CDKL1: variants seen among roughly 807,000 people sequenced by gnomAD.
CDKL1 encodes cyclin dependent kinase like 1.
CDKL1 carries 41 observed loss-of-function variants against 42.0 expected under a neutral mutation model. That is an observed-to-expected ratio of 0.98 (90% CI 0.76 to 1.27). The LOEUF (loss-of-function observed/expected upper bound fraction) is 1.27, where lower values mean the gene tolerates loss of function less well. CDKL1 is among the 50% of genes most tolerant of loss of function. The pLI is 0.00. For missense variants in CDKL1, 394 were observed against 428.4 expected (o/e 0.92, Z 0.71); for synonymous variants, 153 against 158.6 (o/e 0.96, Z 0.26).
chr14:50,333,546 A>G (rs2033086944), intron 8 of CDKL1: 1 of 152,150 alleles, frequency 6.6e-6, no homozygotes, highest in African/African-American at 2.4e-5. Flanking sequence ...CTTGTTTAGC[A>G]TATAATCAAG....
intron 2 of CDKL1, among the ~76,000 whole-genome samples, chr14:50,375,892 A>G (rs774583888): frequency 1.3e-5 from 2 of 152,152 alleles, no homozygotes; most frequent in Non-Finnish European, 2.9e-5. Context: ...TAATCATGAG[A>G]AAAAACAGAC....
At chr14:50,362,711 CTT>C (rs2034304910) in intron 2 of CDKL1, among the ~76,000 whole-genome samples, 1 of 152,140 alleles carries the variant, frequency 6.6e-6, no homozygotes, top group Non-Finnish European at 1.5e-5. Flanking sequence ...ACGTGGAGAA[CTT>C]TTGTGTCTAG....
intron 4 of CDKL1, 164 bp from the exon 5 acceptor site, chr14:50,342,386 T>C: frequency 7.2e-7 from 1 of 1,390,428 alleles, no homozygotes; most frequent in Middle Eastern, 2.7e-4. Context: ...GTACCATGCC[T>C]GTCAGAGCCT....
intron 2 of CDKL1, among the ~76,000 whole-genome samples, chr14:50,359,441 G>C (rs2034169602): frequency 6.6e-6 from 1 of 152,036 alleles, no homozygotes; most frequent in Non-Finnish European, 1.5e-5. Context: ...CAGCTTTCAA[G>C]ATTCAGATCA....
At position 50,339,016 on chromosome 14, in the gene CDKL1, A is replaced by G; in HGVS notation, c.669T>C (p.Pro223=). ...LIRKTLGDLI[P]RHQQVFSTNQ... is the part of the protein sequence containing the mutation. Reference sequence around the variant, plus strand: ...TCGTGCTAAACACTTGCTGGTGCCTAGGAATGAGATCCCCTTTGGACAAGA... The same window carrying G: ...TCGTGCTAAACACTTGCTGGTGCCTGGGAATGAGATCCCCTTTGGACAAGA... The change falls in exon 7 of 10, where the codon CCT becomes CCC. Residue 223 remains proline (P), a synonymous_variant. Transcript: ENST00000395834. 1 of 1,609,746 alleles carries G rather than the reference A, an allele frequency of 6.2e-7. No individual in the cohort carries two copies.
At chr14:50,332,514 A>T in intron 8 of CDKL1, 82 bp from the exon 9 acceptor site, 2 of 1,523,684 alleles carry the variant, frequency 1.3e-6, no homozygotes, top group Non-Finnish European at 8.8e-7. Flanking sequence ...TCTTTGAAAG[A>T]TGAAACTTCA....
chr14:50,329,051 A>G lies in CDKL1; in HGVS notation c.*1023T>C, dbSNP rs1326929043. 7 of 149,214 alleles carry G rather than the reference A, an allele frequency of 4.7e-5. No homozygotes were observed. The highest frequency in any genetic ancestry group is 1.0e-4 in the Non-Finnish European group (7 of 67,456). The allele number at this position is 149,214 out of a possible 1,614,324, so 9.2% of individuals were successfully genotyped here. ...GTTAGAATAGCATATATATATATATATATATATATATACATACACATACAT... is the reference window on the plus strand; with the variant it reads ...GTTAGAATAGCATATATATATATATGTATATATATATACATACACATACAT... On this transcript the variant is annotated 3_prime_UTR_variant, in exon 10 of 10. Coordinates refer to ENST00000395834, the MANE Select transcript of CDKL1 (RefSeq NM_004196.7).
chr14:50,386,658 G>A (rs1453234969), intron 2 of CDKL1, among the ~76,000 whole-genome samples: 3 of 151,924 alleles, frequency 2.0e-5, no homozygotes, highest in Non-Finnish European at 4.4e-5. Flanking sequence ...CATGTTGGGG[G>A]TCATGCCTGT....
intron 2 of CDKL1, among the ~76,000 whole-genome samples, chr14:50,390,623 T>C (rs1393028848): frequency 2.0e-5 from 3 of 152,094 alleles, no homozygotes; most frequent in Admixed American, 1.3e-4. Flanking sequence ...GTATTTGTTT[T>C]GTATTTGTTT....
rs149750029 is a variant in CDKL1, at chr14:50,373,213, T to C, written c.169-14064A>G. 3.0e-3 allele frequency among the ~76,000 whole-genome samples: 464 copies of C among 152,306 alleles called. 1 individual carries two copies. The Middle Eastern group carries it at 0.048, about 16-fold the overall frequency. ...AGACAAATAATTGCCTGGGAAATAT[T>C]TGTTAAAGTTGCAACAAAGGGTTAT... On this transcript the variant is annotated intron_variant, in intron 2 of 9. Transcript: ENST00000395834.
rs11570804 is a variant in CDKL1 at position 50,363,613 on chromosome 14, C to T, written c.169-4464G>A. Reference sequence around the variant, plus strand: ...TGACATTGAGGCCAAGACTTTGAATCTTAGAATTCTCTTTCCATTTTCCAC... The same window carrying T: ...TGACATTGAGGCCAAGACTTTGAATTTTAGAATTCTCTTTCCATTTTCCAC... On this transcript the variant is annotated intron_variant, in intron 2 of 9. Coordinates refer to ENST00000395834, the MANE Select transcript of CDKL1 (RefSeq NM_004196.7). 4.3e-3 allele frequency among the ~76,000 whole-genome samples: 657 copies of T among 152,334 alleles called. 5 individuals carry two copies. The highest frequency in any genetic ancestry group is 0.015 in the African/African-American group (621 of 41,566).
At chr14:50,334,011 A>G (rs1042832440) in intron 8 of CDKL1, 1 of 151,994 alleles carries the variant, frequency 6.6e-6, no homozygotes, top group Admixed American at 6.6e-5. Flanking sequence ...TTTGTAAAAC[A>G]ATCACCACCC....
intron 2 of CDKL1, chr14:50,390,570 ATCTG>A (rs1203098955): frequency 7.5e-6 from 2 of 265,686 alleles, no homozygotes; most frequent in Non-Finnish European, 1.5e-5. Context: ...TTTGTTTTGT[ATCTG>A]TTTGTTTTGG....
chr14:50,352,321 C>T (rs906364392), intron 3 of CDKL1, among the ~76,000 whole-genome samples: 5 of 150,170 alleles, frequency 3.3e-5, no homozygotes, highest in Non-Finnish European at 7.4e-5. Flanking sequence ...TAAGGTAGCA[C>T]AATTATAAGA....
chr14:50,332,902 ACTTTT>A, intron 8 of CDKL1: 1 of 346,184 alleles, frequency 2.9e-6, no homozygotes, highest in South Asian at 8.8e-5. Context: ...AAAATCAGCT[ACTTTT>A]TTTTTTTTTT....
chr14:50,342,129 C>A lies in CDKL1; in HGVS notation c.454+3G>T, dbSNP rs2033566001. ...CTTAACAAAAGAAAATGTCAATACT[C>A]ACTCAAAAGCCGAGCAAATCCAAAG... On this transcript the variant is annotated splice_donor_region_variant and intron_variant, in intron 5 of 9. Coordinates refer to ENST00000395834, the MANE Select transcript of CDKL1 (RefSeq NM_004196.7). The A allele has an allele frequency of 6.2e-7, 1 of 1,612,260 alleles. No homozygotes were observed. Among genetic ancestry groups the A allele is most frequent in the African/African-American group, 1.3e-5 (1 of 74,884 alleles).
rs989683061 is a variant in CDKL1, at chr14:50,388,875, G to A, written c.168+6826C>T. 2.6e-5 allele frequency among the ~76,000 whole-genome samples: 4 copies of A among 151,764 alleles called. No individual in the cohort carries two copies. In the South Asian group the frequency reaches 6.3e-4, roughly 24 times the overall value. On this transcript the variant is annotated intron_variant, in intron 2 of 9. Coordinates refer to ENST00000395834, the MANE Select transcript of CDKL1 (RefSeq NM_004196.7). ...TGTACTTAGGGAGGCCGAGGGAGGCGGATCATGAGATCAGGAGTTTGAGAC... is the reference window on the plus strand; with the variant it reads ...TGTACTTAGGGAGGCCGAGGGAGGCAGATCATGAGATCAGGAGTTTGAGAC...
At chr14:50,348,745 A>G (rs778237621) in intron 3 of CDKL1, among the ~76,000 whole-genome samples, 1 of 152,208 alleles carries the variant, frequency 6.6e-6, no homozygotes, top group Non-Finnish European at 1.5e-5. Context: ...ATGATGCCCA[A>G]GAAAAGCCTC....
At chr14:50,382,534 A>C (rs894900038) in intron 2 of CDKL1, among the ~76,000 whole-genome samples, 2 of 150,394 alleles carry the variant, frequency 1.3e-5, no homozygotes, top group African/African-American at 4.9e-5. Flanking sequence ...CATTCTGTAT[A>C]AAAATTACTC....
Sources: allele counts gnomAD v4.1 joint callset (sites outside exome capture counted in the v4.1 genomes callset), GRCh38; gene constraint gnomAD v4.1.1; transcripts MANE v1.5; gene names NCBI Gene and HGNC (gene_info 2026-07-23, HGNC 2026-07-21).